Variants in CCDC14 observed in about 807,000 individuals in gnomAD.
The protein encoded by CCDC14 is coiled-coil domain-containing protein 14.
CCDC14 carries 71 observed loss-of-function variants against 81.4 expected under a neutral mutation model. That is an observed-to-expected ratio of 0.87 (90% CI 0.72 to 1.06). The LOEUF is 1.06. Ranked by LOEUF, CCDC14 falls within the 50% of genes least tolerant of loss-of-function variation. The probability of loss-of-function intolerance (pLI) is 0.00; values close to 1 mark genes in which losing one functional copy is unlikely to be tolerated. For missense variants in CCDC14, 1,046 were observed against 1,047.3 expected (o/e 1.00, Z 0.02); for synonymous variants, 332 against 364.8 (o/e 0.91, Z 1.03).
At chr3:123,941,076 AAT>A (rs1348556138) in intron 9 of CCDC14, among the ~76,000 whole-genome samples, 1 of 151,972 alleles carries the variant, frequency 6.6e-6, no homozygotes, top group Non-Finnish European at 1.5e-5. Context: ...AGTTGAGTTT[AAT>A]ATCAGGAGGT....
chr3:123,890,613 C>T, the CCDC14 span, among the ~76,000 whole-genome samples: 1 of 152,190 alleles, frequency 6.6e-6, no homozygotes, highest in Non-Finnish European at 1.5e-5. Context: ...TGTCTCACAA[C>T]CAGGTCACAC....
At position 123,913,942 on chromosome 3, in the gene CCDC14, T is replaced by A; in HGVS notation, c.*837A>T. On this transcript the variant is annotated 3_prime_UTR_variant, in exon 13 of 13. Transcript: ENST00000409697. ...TTCATATTATTTATAAAATAGAGAA[T>A]ATTCTCAGCTAACATGCTGGGAGAA... 1 of 985,180 alleles carries A rather than the reference T, an allele frequency of 1.0e-6. No homozygotes were observed. The highest frequency in any genetic ancestry group is 1.2e-6 in the Non-Finnish European group (1 of 829,388). 61.0% of individuals were successfully genotyped at this position (985,180 alleles called of 1,614,324 possible).
In CCDC14 at chr3:123,921,556, T is replaced by C. The variant is rs2035044650; in HGVS notation, c.1779-5838A>G. ...GATCTGAAGGGAGAGACAGACTGAG[T>C]GGGGGATTTCAGTACCCGGCTCTCA... On this transcript the variant is annotated intron_variant, in intron 12 of 12. Transcript: ENST00000409697. 4.0e-5 allele frequency among the ~76,000 whole-genome samples: 6 copies of C among 151,856 alleles called. No homozygotes were observed. The South Asian group carries it at 1.0e-3, about 26-fold the overall frequency.
At position 123,913,982 on chromosome 3, in the gene CCDC14, A is replaced by T; in HGVS notation, c.*797T>A. Reference sequence around the variant, plus strand: ...TGCTGGGAGAAAAAATTCTTCCAAAAAGGCAGAATTACAATCAATGCCAAG... The same window carrying T: ...TGCTGGGAGAAAAAATTCTTCCAAATAGGCAGAATTACAATCAATGCCAAG... On this transcript the variant is annotated 3_prime_UTR_variant, in exon 13 of 13. Coordinates refer to ENST00000409697, the MANE Select transcript of CCDC14 (RefSeq NM_001366335.1). 1 of 985,596 alleles carries T rather than the reference A, an allele frequency of 1.0e-6. No homozygotes were observed. Among genetic ancestry groups the T allele is most frequent in the African/African-American group, 1.7e-5 (1 of 57,344 alleles). The allele number at this position is 985,596 out of a possible 1,614,324, so 61.1% of individuals were successfully genotyped here.
At position 123,914,063 on chromosome 3, in the gene CCDC14, A is replaced by T. The variant is rs149565371; in HGVS notation, c.*716T>A. On this transcript the variant is annotated 3_prime_UTR_variant, in exon 13 of 13. Coordinates refer to ENST00000409697, the MANE Select transcript of CCDC14 (RefSeq NM_001366335.1). ...GGACAAAAATAAACATTTCTTATTT[A>T]AAAAAAACCCACAAATTTCCCCAAC... The T allele has an allele frequency of 1.9e-4, 185 of 984,126 alleles. No homozygotes were observed. Among genetic ancestry groups the T allele is most frequent in the Middle Eastern group, 1.0e-3 (2 of 1,908 alleles). The allele number at this position is 984,126 out of a possible 1,614,324, so 61.0% of individuals were successfully genotyped here. A position where few individuals can be genotyped will look rare whatever the true frequency, so the allele number is the denominator to read the frequency against.
chr3:123,936,549 G>C (rs1230076186), intron 9 of CCDC14, among the ~76,000 whole-genome samples: 4 of 152,062 alleles, frequency 2.6e-5, no homozygotes, highest in Non-Finnish European at 5.9e-5. Context: ...AACATGAAGG[G>C]AACTGGAGGC....
At chr3:123,954,556 A>C (rs1490976668) in intron 5 of CCDC14, 1 of 152,136 alleles carries the variant, frequency 6.6e-6, no homozygotes, top group Non-Finnish European at 1.5e-5. Flanking sequence ...ATAATATTTA[A>C]ATCAATATAT....
intron 1 of CCDC14, chr3:123,957,655 G>C (rs2037406269): frequency 6.6e-6 from 1 of 152,030 alleles, no homozygotes; most frequent in Non-Finnish European, 1.5e-5. Context: ...CATGCATCCA[G>C]TATCTTGGGA....
chr3:123,912,971 A>T (rs60809803), downstream of CCDC14, among the ~76,000 whole-genome samples: 1 of 152,136 alleles, frequency 6.6e-6, no homozygotes, highest in Non-Finnish European at 1.5e-5. Context: ...TGACTTTCTA[A>T]GGGGGAAACA....
chr3:123,923,226 AAC>A (rs1357266230), intron 12 of CCDC14, among the ~76,000 whole-genome samples: 1 of 152,120 alleles, frequency 6.6e-6, no homozygotes, highest in Non-Finnish European at 1.5e-5. Context: ...GATACATTTC[AAC>A]ACTCTTTCAT....
At chr3:123,927,994 C>T (rs1337206021) in intron 12 of CCDC14, among the ~76,000 whole-genome samples, 1 of 152,110 alleles carries the variant, frequency 6.6e-6, no homozygotes, top group Non-Finnish European at 1.5e-5. Flanking sequence ...AGACAGAATC[C>T]AAAATCCTGG....
At chr3:123,894,702 A>G (rs78668935), downstream of CCDC14, among the ~76,000 whole-genome samples, 532 of 152,162 alleles carry the variant, frequency 3.5e-3, 4 homozygotes, top group African/African-American at 0.012. Flanking sequence ...ATCCTTTTTG[A>G]TGCTATTGAA....
intron 12 of CCDC14, among the ~76,000 whole-genome samples, chr3:123,925,259 A>C (rs1312672885): frequency 2.0e-5 from 3 of 152,180 alleles, no homozygotes; most frequent in Non-Finnish European, 4.4e-5. Context: ...CCTCACTTAT[A>C]TATGGAATAT....
At chr3:123,937,603 C>T (rs956071389) in intron 9 of CCDC14, among the ~76,000 whole-genome samples, 1 of 152,042 alleles carries the variant, frequency 6.6e-6, no homozygotes, top group South Asian at 2.1e-4. Context: ...TATTTTCTCT[C>T]AGTCTGTTGG....
At position 123,933,755 on chromosome 3, in the gene CCDC14, C is replaced by T; in HGVS notation, c.1344G>A (p.Arg448=). 6.4e-7 allele frequency: 1 copy of T among 1,559,194 alleles called. No individual in the cohort carries two copies. Among genetic ancestry groups the T allele is most frequent in the Non-Finnish European group, 8.7e-7 (1 of 1,149,068 alleles). ...PLRSENAQLR[R]QLRILNQQLR... is the part of the protein sequence containing the mutation. ...GTTGCTGGTTCAAAATTCTCAACTG[C>T]CTAAAGAAATAATGAAGAACTATGA... Residue 448 remains arginine (R), a splice_region_variant and synonymous_variant, in exon 10 of 13, where the codon AGG becomes AGA. Coordinates refer to ENST00000409697, the MANE Select transcript of CCDC14 (RefSeq NM_001366335.1).
intron 1 of CCDC14, among the ~76,000 whole-genome samples, chr3:123,959,854 A>C (rs980733496): frequency 6.6e-6 from 1 of 152,084 alleles, no homozygotes; most frequent in African/African-American, 2.4e-5. Context: ...TCTACTTTTA[A>C]ATCTTTTTCA....
chr3:123,909,231 C>T (rs538423765), downstream of CCDC14, among the ~76,000 whole-genome samples: 29 of 152,216 alleles, frequency 1.9e-4, no homozygotes, highest in African/African-American at 5.1e-4. Flanking sequence ...CCCTACTGAG[C>T]GGCTGACAAC....
Position 123,931,331 on chromosome 3 carries a change from A to G in CCDC14, c.1622T>C (p.Ile541Thr), listed in dbSNP as rs578102526. ...ACCAATTTTTATTCTTGTTATCTCA[A>G]TATCATATTGCTGTTTATTTTCAAG... is the stretch of plus-strand genomic sequence containing the variant. ...TILENKQQYD[I>T]EITRIKIELE... The change falls in exon 11 of 13, where the codon ATT becomes ACT. Residue 541 changes from isoleucine (I) to threonine (T), a missense_variant. Coordinates refer to ENST00000409697, the MANE Select transcript of CCDC14 (RefSeq NM_001366335.1). 9 of 1,521,992 alleles carry G rather than the reference A, an allele frequency of 5.9e-6. No homozygotes were observed. In the East Asian group the frequency reaches 1.4e-4, roughly 24 times the overall value. 94.3% of individuals were successfully genotyped at this position (1,521,992 alleles called of 1,614,324 possible). A position where few individuals can be genotyped will look rare whatever the true frequency, so the allele number is the denominator to read the frequency against.
chr3:123,955,292 A>G (rs2037258488), intron 5 of CCDC14: 1 of 151,968 alleles, frequency 6.6e-6, no homozygotes, highest in Non-Finnish European at 1.5e-5. Context: ...CATAATCAAA[A>G]CTTTCTTGTT....
Sources: allele counts gnomAD v4.1 joint callset (sites outside exome capture counted in the v4.1 genomes callset), GRCh38; gene constraint gnomAD v4.1.1; transcripts MANE v1.5; gene names NCBI Gene and HGNC (gene_info 2026-07-23, HGNC 2026-07-21).